PPFIA3: variants seen among roughly 807,000 people sequenced by gnomAD.
PPFIA3 encodes liprin-alpha-3.
Under a neutral mutation model 145.8 loss-of-function variants are expected in PPFIA3, and 26 were observed. The observed-to-expected ratio is 0.18, with a 90% CI of 0.13 to 0.25. PPFIA3 has a LOEUF of 0.25. Ranked by LOEUF, PPFIA3 falls within the 10% of genes least tolerant of loss-of-function variation. The probability of loss-of-function intolerance (pLI) is 1.00; values close to 1 mark genes in which losing one functional copy is unlikely to be tolerated. For synonymous variants in PPFIA3, 645 were observed against 661.4 expected (o/e 0.98, Z 0.38); for missense variants, 1,008 against 1,587.8 (o/e 0.63, Z 6.21).
rs1945693509 is a variant in PPFIA3, at chr19:49,128,779, CA to C, written c.343-68del. The C allele has an allele frequency of 7.1e-7, 1 of 1,412,742 alleles. No homozygotes were observed. The highest frequency in any genetic ancestry group is 9.6e-7 in the Non-Finnish European group (1 of 1,044,424). The allele number at this position is 1,412,742 out of a possible 1,614,324, so 87.5% of individuals were successfully genotyped here. ...TCCTCCATGTGTCCGCCCTACCTGT[CA>C]CCCTTTTTCTCACATCTGCCCCTTT... On this transcript the variant is annotated intron_variant, in intron 3 of 29. Coordinates refer to ENST00000334186, the MANE Select transcript of PPFIA3 (RefSeq NM_003660.4). This position sits in a 1 kb window ranked among gnomAD's most constrained non-coding sequence, Gnocchi z 4.1.
At chr19:49,129,500 C>A in intron 5 of PPFIA3, 46 bp downstream of exon 5, 3 of 1,544,336 alleles carry the variant, frequency 1.9e-6, no homozygotes, top group Non-Finnish European at 2.6e-6. Flanking sequence ...AGGGGAGGGG[C>A]TAAGGGGCTG....
chr19:49,132,483 G>A (rs2122569099), intron 7 of PPFIA3, among the ~76,000 whole-genome samples: 1 of 150,548 alleles, frequency 6.6e-6, no homozygotes, highest in African/African-American at 2.4e-5. Flanking sequence ...GGGCTATTGG[G>A]AAATGTAGCC....
chr19:49,121,517 C>T (rs530754745), intron 1 of PPFIA3, among the ~76,000 whole-genome samples: 127 of 152,240 alleles, frequency 8.3e-4, no homozygotes, highest in African/African-American at 2.9e-3. Flanking sequence ...TGGCTCATGC[C>T]GGTAATCCCA....
At chr19:49,125,023 C>T (rs1197454028) in intron 1 of PPFIA3, among the ~76,000 whole-genome samples, 1 of 152,056 alleles carries the variant, frequency 6.6e-6, no homozygotes, top group Non-Finnish European at 1.5e-5. Flanking sequence ...GCCGAGATCA[C>T]GCCAGCGCAC....
chr19:49,129,367 C>A lies in PPFIA3; in HGVS notation c.508-13C>A. The A allele has an allele frequency of 6.5e-7, 1 of 1,549,102 alleles. No individual in the cohort carries two copies. Among genetic ancestry groups the A allele is most frequent in the South Asian group, 1.2e-5 (1 of 83,962 alleles). The stretch of plus-strand genomic sequence containing the variant: ...TTGTCTCCAGCTGACTGTTGCCCTG[C>A]CCCGATCCCCAGGTCCGGGAGCGGC... On this transcript the variant is annotated splice_polypyrimidine_tract_variant and intron_variant, in intron 4 of 29. Transcript: ENST00000334186.
intron 1 of PPFIA3, among the ~76,000 whole-genome samples, chr19:49,121,951 T>C (rs1194420842): frequency 6.6e-6 from 1 of 152,022 alleles, no homozygotes; most frequent in African/African-American, 2.4e-5. Context: ...ACATTTCTTG[T>C]CGCACATGTG....
intron 20 of PPFIA3, 39 bp downstream of exon 20, chr19:49,142,154 A>G (rs780749287): frequency 3.3e-6 from 5 of 1,525,138 alleles, no homozygotes; most frequent in Non-Finnish European, 4.4e-6. Flanking sequence ...TTGGTCCCCA[A>G]CCCCTCTGAC....
chr19:49,128,110 C>G lies in PPFIA3; in HGVS notation c.237C>G (p.Pro79=). ...SLQRQLSIAL[P]QEFAALTKEL... ...AGCGCCAGCTCAGCATCGCGCTGCC[C>G]CAGGTCTGGGCGGGACAGGGGCGGG... Residue 79 remains proline, a synonymous_variant, in exon 2 of 30, where the codon CCC becomes CCG. Transcript: ENST00000334186. This position sits in a 1 kb window ranked among gnomAD's most constrained non-coding sequence, Gnocchi z 4.1. 6.4e-7 allele frequency: 1 copy of G among 1,554,062 alleles called. No individual in the cohort carries two copies. Among genetic ancestry groups the G allele is most frequent in the African/African-American group, 1.4e-5 (1 of 73,824 alleles).
chr19:49,143,014 C>T lies in PPFIA3; in HGVS notation c.2745+10C>T. The T allele has an allele frequency of 1.3e-6, 2 of 1,599,322 alleles. No individual in the cohort carries two copies. Among genetic ancestry groups the T allele is most frequent in the Non-Finnish European group, 1.7e-6 (2 of 1,175,206 alleles). Reference sequence around the variant, plus strand: ...CGCCTCCTCCCGCACTGTGAGTGTCCGGCGGCCAATTCCAGCCTTCGCTTC... The same window carrying T: ...CGCCTCCTCCCGCACTGTGAGTGTCTGGCGGCCAATTCCAGCCTTCGCTTC... On this transcript the variant is annotated intron_variant, in intron 21 of 29. Transcript: ENST00000334186.
chr19:49,122,533 A>C (rs1194455344), intron 1 of PPFIA3, among the ~76,000 whole-genome samples: 1 of 152,148 alleles, frequency 6.6e-6, no homozygotes, highest in Non-Finnish European at 1.5e-5. Flanking sequence ...ACGTTGTTCT[A>C]GATTCCATTC....
chr19:49,122,890 A>T (rs34832724), intron 1 of PPFIA3, among the ~76,000 whole-genome samples: 44,974 of 143,150 alleles, frequency 0.31, 7,012 homozygotes, highest in African/African-American at 0.37. Context: ...CCCGGCTAAT[A>T]TTTTGTATTT....
Position 49,149,469 on chromosome 19 carries a change from A to G in PPFIA3, c.3355-78A>G. The G allele has an allele frequency of 3.8e-6, 6 of 1,591,940 alleles. No individual in the cohort carries two copies. Among genetic ancestry groups the G allele is most frequent in the Non-Finnish European group, 5.2e-6 (6 of 1,162,650 alleles). On this transcript the variant is annotated intron_variant, in intron 27 of 29. Coordinates refer to ENST00000334186, the MANE Select transcript of PPFIA3 (RefSeq NM_003660.4). The surrounding 1 kb of genome is among the most constrained non-coding windows in gnomAD (Gnocchi z 5.7). ...GGGTTAAAGGAGAGGTGAGACCCGG[A>G]GAGGGGTGGAGTCAAAGGAAGGGGC...
intron 1 of PPFIA3, among the ~76,000 whole-genome samples, chr19:49,124,805 C>G (rs543659278): frequency 6.6e-6 from 1 of 152,192 alleles, no homozygotes; most frequent in South Asian, 2.1e-4. Context: ...GTGGCTCATG[C>G]CTATAATCTC....
Position 49,124,023 on chromosome 19 carries a change from G to A in PPFIA3, c.-15-3836G>A, listed in dbSNP as rs573717241. Among the ~76,000 whole-genome samples, 302 of 151,890 alleles carry A rather than the reference G, an allele frequency of 2.0e-3. 1 individual carries two copies. Among genetic ancestry groups the A allele is most frequent in the Middle Eastern group, 0.014 (4 of 294 alleles). On this transcript the variant is annotated intron_variant, in intron 1 of 29. Transcript: ENST00000334186. ...TTGCCAGCCTCAGTCTTTATTCCAG[G>A]AAATGCTCAATTCTCAACATGCATC...
chr19:49,131,933 C>T (rs914894992), intron 7 of PPFIA3, among the ~76,000 whole-genome samples: 1 of 151,024 alleles, frequency 6.6e-6, no homozygotes, highest in Non-Finnish European at 1.5e-5. Flanking sequence ...TGGCGTGAAC[C>T]CGGGAGGCAG....
rs1251082900 is a variant in PPFIA3 at position 49,130,989 on chromosome 19, G to A, written c.879+390G>A. Among the ~76,000 whole-genome samples, 1 of 149,488 alleles carries A rather than the reference G, an allele frequency of 6.7e-6. No homozygotes were observed. Among genetic ancestry groups the A allele is most frequent in the Non-Finnish European group, 1.5e-5 (1 of 67,606 alleles). Reference sequence around the variant, plus strand: ...AGATTCTCCTGCCTCAGCCTCCCAAGTAGCTAGAACTACAGGCACCTGCCA... The same window carrying A: ...AGATTCTCCTGCCTCAGCCTCCCAAATAGCTAGAACTACAGGCACCTGCCA... On this transcript the variant is annotated intron_variant, in intron 7 of 29. Transcript: ENST00000334186. The surrounding 1 kb of genome is among the most constrained non-coding windows in gnomAD (Gnocchi z 4.5).
At chr19:49,143,183 C>T (rs1299993030) in intron 21 of PPFIA3, among the ~76,000 whole-genome samples, 179 bp downstream of exon 21, 1 of 152,184 alleles carries the variant, frequency 6.6e-6, no homozygotes, top group East Asian at 1.9e-4. Flanking sequence ...CCCTGTGGTA[C>T]TCCAGGAGGG....
rs2041115996 is a variant in PPFIA3 at position 49,134,660 on chromosome 19, G to A, written c.1399G>A (p.Ala467Thr). ...ACAGAACTCCCTGAGCGAGGAGATA[G>A]CCAACATGAAGAAGCTTCAGGATGA... ...EEKNSLSEEI[A>T]NMKKLQDELL... The change falls in exon 12 of 30, where the codon GCC becomes ACC. Residue 467 changes from alanine to threonine, a missense_variant. Ala to Thr is a moderately conservative substitution (Grantham distance 58). Transcript: ENST00000334186. The A allele has an allele frequency of 1.9e-6, 3 of 1,613,966 alleles. No homozygotes were observed. The highest frequency in any genetic ancestry group is 2.5e-6 in the Non-Finnish European group (3 of 1,180,012).
At chr19:49,147,640 C>T (rs553372947) in intron 23 of PPFIA3, among the ~76,000 whole-genome samples, 3 of 150,848 alleles carry the variant, frequency 2.0e-5, no homozygotes, top group East Asian at 3.9e-4. Context: ...GAGACGAGAT[C>T]GTGCCACCGC....
Sources: allele counts gnomAD v4.1 joint callset (sites outside exome capture counted in the v4.1 genomes callset), GRCh38; gene constraint gnomAD v4.1.1; non-coding constraint Gnocchi (gnomAD v3.1); transcripts MANE v1.5; gene names NCBI Gene and HGNC (gene_info 2026-07-23, HGNC 2026-07-21).